The following SCAPER variants were observed in gnomAD, a reference collection of about 807,000 sequenced individuals.
SCAPER encodes S phase cyclin A-associated protein in the endoplasmic reticulum.
In SCAPER, 98 loss-of-function variants were observed where a neutral mutation model predicts 182.2. The observed-to-expected ratio is 0.54, with a 90% CI of 0.46 to 0.64. The LOEUF is 0.64. Among genes scored for constraint, SCAPER ranks in the 30% least tolerant of loss-of-function variants. The probability of loss-of-function intolerance (pLI) is 0.00; values close to 1 mark genes in which losing one functional copy is unlikely to be tolerated. For synonymous variants in SCAPER, 605 were observed against 564.6 expected, an observed-to-expected ratio of 1.07 and a Z score of -1.01; for missense variants, 1,432 against 1,690.0, an observed-to-expected ratio of 0.85 and a Z score of 2.68.
chr15:76,503,517 G>C (rs1411761977), intron 24 of SCAPER, among the ~76,000 whole-genome samples: 1 of 152,158 alleles, frequency 6.6e-6, no homozygotes, highest in Non-Finnish European at 1.5e-5. Flanking sequence ...AGCTAGCACT[G>C]TCTAAACTCT....
chr15:76,469,303 T>A (rs1024854553), intron 25 of SCAPER, among the ~76,000 whole-genome samples: 2 of 152,190 alleles, frequency 1.3e-5, no homozygotes, highest in African/African-American at 4.8e-5. Flanking sequence ...AAGTTATTTT[T>A]TTTCATTCTT....
At chr15:76,889,046 T>C (rs1207626559) in intron 1 of SCAPER, among the ~76,000 whole-genome samples, 3 of 152,176 alleles carry the variant, frequency 2.0e-5, no homozygotes, top group African/African-American at 7.2e-5. Flanking sequence ...GAAAAGAATT[T>C]TCAACCCAGA....
In SCAPER at chr15:76,598,255, G is replaced by A. The variant is rs552466524; in HGVS notation, c.2711+23509C>T. Among the ~76,000 whole-genome samples the A allele has an allele frequency of 9.9e-5, 12 of 121,656 alleles. 3 individuals are homozygous for A. Among genetic ancestry groups the A allele is most frequent in the African/African-American group, 2.0e-4 (8 of 39,874 alleles). 79.8% of individuals were successfully genotyped at this position (121,656 alleles called of 152,430 possible). A position where few individuals can be genotyped will look rare whatever the true frequency, so the allele number is the denominator to read the frequency against. On this transcript the variant is annotated intron_variant, in intron 22 of 31. Transcript: ENST00000563290. The stretch of plus-strand genomic sequence containing the variant: ...CAAATCAAAACCACAATGAGATACC[G>A]TCTCACGCCAGTTAGAATGGTGACC...
intron 25 of SCAPER, among the ~76,000 whole-genome samples, chr15:76,441,070 C>T (rs2047557542): frequency 2.6e-5 from 4 of 151,636 alleles, no homozygotes; most frequent in Admixed American, 6.6e-5. Context: ...TACAGGCACC[C>T]GCCACCACGC....
At chr15:76,476,286 C>T (rs2050621065) in intron 24 of SCAPER, among the ~76,000 whole-genome samples, 1 of 152,176 alleles carries the variant, frequency 6.6e-6, no homozygotes, top group Non-Finnish European at 1.5e-5. Flanking sequence ...TGGCATTAGC[C>T]ACACATTTAC....
intron 23 of SCAPER, among the ~76,000 whole-genome samples, chr15:76,510,824 T>C (rs1203413600): frequency 6.6e-6 from 1 of 152,136 alleles, no homozygotes; most frequent in Non-Finnish European, 1.5e-5. Flanking sequence ...CCAACCCAAA[T>C]GCCCATCAAT....
chr15:76,586,482 A>C (rs2048666021), intron 22 of SCAPER, among the ~76,000 whole-genome samples: 1 of 152,144 alleles, frequency 6.6e-6, no homozygotes, highest in African/African-American at 2.4e-5. Flanking sequence ...TTCAAACCCC[A>C]AATCAGTGAG....
chr15:76,481,190 G>A (rs1218000746), intron 24 of SCAPER, among the ~76,000 whole-genome samples: 4 of 152,196 alleles, frequency 2.6e-5, no homozygotes, highest in South Asian at 4.1e-4. Context: ...GTTTTGAAGT[G>A]TATTTATAAA....
intron 17 of SCAPER, among the ~76,000 whole-genome samples, chr15:76,725,815 C>T (rs867569130): frequency 2.0e-5 from 3 of 151,678 alleles, no homozygotes; most frequent in Non-Finnish European, 2.9e-5. Context: ...TGAACCCTTA[C>T]CTTATACGAT....
intron 26 of SCAPER, among the ~76,000 whole-genome samples, chr15:76,428,894 A>ATATATATATATAT (rs71143324): frequency 7.2e-6 from 1 of 138,116 alleles, no homozygotes; most frequent in Admixed American, 7.3e-5. Flanking sequence ...ATATATATAT[A>ATATATATATATAT]AACATCAAAA....
intron 1 of SCAPER, among the ~76,000 whole-genome samples, chr15:76,891,089 T>C (rs1276869947): frequency 1.3e-5 from 2 of 152,360 alleles, no homozygotes; most frequent in East Asian, 1.9e-4. Flanking sequence ...TCTCAATAGA[T>C]GCAGAAAAGG....
At chr15:76,587,116 G>A (rs1002704023) in intron 22 of SCAPER, among the ~76,000 whole-genome samples, 1 of 152,000 alleles carries the variant, frequency 6.6e-6, no homozygotes, top group Non-Finnish European at 1.5e-5. Context: ...TAGTACCCTT[G>A]AATGATCTTT....
At chr15:76,398,441 C>G (rs1254146690) in intron 27 of SCAPER, among the ~76,000 whole-genome samples, 1 of 152,238 alleles carries the variant, frequency 6.6e-6, no homozygotes, top group Non-Finnish European at 1.5e-5. Context: ...TTACTGCTTT[C>G]TCCCAATCCT....
At chr15:76,672,449 A>C (rs1265269360) in intron 20 of SCAPER, among the ~76,000 whole-genome samples, 4 of 152,226 alleles carry the variant, frequency 2.6e-5, no homozygotes, top group Admixed American at 6.5e-5. Context: ...TTTCAAAATA[A>C]GCTGAAACAC....
At chr15:76,425,566 C>A (rs2046363208) in intron 26 of SCAPER, among the ~76,000 whole-genome samples, 1 of 152,154 alleles carries the variant, frequency 6.6e-6, no homozygotes, top group Non-Finnish European at 1.5e-5. Flanking sequence ...TTCGAACTTC[C>A]TCCTTTAGCT....
At chr15:76,424,601 C>G (rs987238160) in intron 26 of SCAPER, among the ~76,000 whole-genome samples, 1 of 152,162 alleles carries the variant, frequency 6.6e-6, no homozygotes, top group African/African-American at 2.4e-5. Context: ...TTAATTGGAG[C>G]ATTTAGCCCG....
chr15:76,562,367 T>A (rs1425203518), intron 23 of SCAPER, among the ~76,000 whole-genome samples: 1 of 152,080 alleles, frequency 6.6e-6, no homozygotes, highest in Non-Finnish European at 1.5e-5. Context: ...CACAGCTCAA[T>A]AACAGGAGTA....
At position 76,474,080 on chromosome 15, in the gene SCAPER, A is replaced by G. The variant is rs1273259298; in HGVS notation, c.2955-2745T>C. 3.3e-5 allele frequency among the ~76,000 whole-genome samples: 5 copies of G among 152,044 alleles called. 1 individual carries two copies. In the South Asian group the frequency reaches 8.3e-4, roughly 25 times the overall value. ...CCCACCTCGGCCTCCCAAAGTGTTGAGATTACAGGCGTGAGCCACCATGCC... is the reference window on the plus strand; with the variant it reads ...CCCACCTCGGCCTCCCAAAGTGTTGGGATTACAGGCGTGAGCCACCATGCC... On this transcript the variant is annotated intron_variant, in intron 24 of 31. Transcript: ENST00000563290.
intron 14 of SCAPER, among the ~76,000 whole-genome samples, chr15:76,764,209 TACA>T (rs2062970146): frequency 6.6e-6 from 1 of 152,212 alleles, no homozygotes; most frequent in South Asian, 2.1e-4. Context: ...TGCGGGGAAG[TACA>T]ACAACTCTTG....
Sources: gnomAD v4.1 joint callset for allele counts (sites outside exome capture counted in the v4.1 genomes callset) on GRCh38, gnomAD v4.1.1 for gene constraint, MANE v1.5 for transcripts, NCBI Gene and HGNC (gene_info 2026-07-23, HGNC 2026-07-21) for gene names.